PSG11: variants seen among roughly 807,000 people sequenced by gnomAD.
The protein encoded by PSG11 is pregnancy-specific beta-1-glycoprotein 11.
A neutral mutation model predicts 36.0 loss-of-function variants in PSG11; 42 were observed. The ratio of observed to expected loss-of-function variants is 1.17; its 90% CI spans 0.91 to 1.51. The LOEUF is 1.51. Among genes scored for constraint, PSG11 ranks in the 40% most tolerant of loss-of-function variants. The pLI is 0.00. For synonymous variants in PSG11, 206 were observed against 153.5 expected (o/e 1.34, Z -2.53); for missense variants, 558 against 403.5 (o/e 1.38, Z -3.28).
At position 43,015,373 on chromosome 19, in the gene PSG11, G is replaced by A; in HGVS notation, c.710-3C>T. ...AATTCTGGGGAGGTCTGGACCATCT[G>A]GAGGAAAGAGAATAAAGCCACAGTT... On this transcript the variant is annotated splice_region_variant and splice_polypyrimidine_tract_variant and intron_variant, in intron 3 of 5. Coordinates refer to ENST00000320078, the MANE Select transcript of PSG11 (RefSeq NM_002785.3). The A allele has an allele frequency of 6.8e-6, 11 of 1,606,670 alleles. No individual in the cohort carries two copies. Among genetic ancestry groups the A allele is most frequent in the Non-Finnish European group, 9.4e-6 (11 of 1,176,116 alleles).
At position 43,026,189 on chromosome 19, in the gene PSG11, C is replaced by T. The variant is rs529547796; in HGVS notation, c.64+120G>A. ...AACTCCTGATCTCGTGATCCACCCACCTCAGCCTCCCTAAATGCTGGCTTT... is the reference window on the plus strand; with the variant it reads ...AACTCCTGATCTCGTGATCCACCCATCTCAGCCTCCCTAAATGCTGGCTTT... On this transcript the variant is annotated intron_variant, in intron 1 of 5. Transcript: ENST00000320078. 59 of 1,462,898 alleles carry T rather than the reference C, an allele frequency of 4.0e-5. 4 individuals are homozygous for T. The South Asian group carries it at 6.0e-4, about 15-fold the overall frequency. The allele number at this position is 1,462,898 out of a possible 1,614,324, so 90.6% of individuals were successfully genotyped here. A position where few individuals can be genotyped will look rare whatever the true frequency, so the allele number is the denominator to read the frequency against.
In PSG11 at chr19:43,018,953, C is replaced by G. The variant is rs1058085; in HGVS notation, c.526G>C (p.Ala176Pro). The change falls in exon 3 of 6, where the codon GCA becomes CCA. Residue 176 changes from alanine to proline, a missense_variant. Coordinates refer to ENST00000320078, the MANE Select transcript of PSG11 (RefSeq NM_002785.3). Reference sequence around the variant, plus strand: ...CCATTCATCCACCACAGGTAGCTTGCGTCCGGAGTCTCAGGATTACAGGTT... The same window carrying G: ...CCATTCATCCACCACAGGTAGCTTGGGTCCGGAGTCTCAGGATTACAGGTT... Reference protein sequence around the residue: ...ILTCNPETPDASYLWWMNGQS... With the variant: ...ILTCNPETPDPSYLWWMNGQS... 1.9e-6 allele frequency: 3 copies of G among 1,612,088 alleles called. No homozygotes were observed. Among genetic ancestry groups the G allele is most frequent in the Admixed American group, 1.7e-5 (1 of 59,874 alleles).
intron 2 of PSG11, among the ~76,000 whole-genome samples, chr19:43,023,108 C>T (rs1967142970): frequency 6.6e-6 from 1 of 150,676 alleles, no homozygotes; most frequent in Non-Finnish European, 1.5e-5. Context: ...GACCAAGGAG[C>T]CCCGAGAACC....
chr19:43,024,564 C>G lies in PSG11; in HGVS notation c.430+127G>C. On this transcript the variant is annotated intron_variant, in intron 2 of 5. Transcript: ENST00000320078. Reference sequence around the variant, plus strand: ...TCTGTGTGTGTCCTGCACTAAATGCCCAAACCCCAGCATGGGACATAATGC... The same window carrying G: ...TCTGTGTGTGTCCTGCACTAAATGCGCAAACCCCAGCATGGGACATAATGC... 4 of 1,548,170 alleles carry G rather than the reference C, an allele frequency of 2.6e-6. No homozygotes were observed. The Admixed American group carries it at 6.9e-5, about 27-fold the overall frequency.
At chr19:43,014,556 C>T (rs1599671077) in intron 4 of PSG11, 3 of 991,650 alleles carry the variant, frequency 3.0e-6, no homozygotes, top group Non-Finnish European at 3.6e-6. Context: ...CAGGACAGGC[C>T]ACCAGGACTC....
In PSG11 at chr19:43,008,586, ATAT is replaced by A. The variant is rs1264904801; in HGVS notation, c.*41-547_*41-545del. ...CCATCGCACCCAGCCTAGAATACTC[ATAT>A]TATTAACATTCCCATAAATATTATT... On this transcript the variant is annotated intron_variant, in intron 5 of 5. Coordinates refer to ENST00000320078, the MANE Select transcript of PSG11 (RefSeq NM_002785.3). 9.9e-5 allele frequency among the ~76,000 whole-genome samples: 15 copies of A among 151,210 alleles called. 1 individual carries two copies.
At chr19:43,017,621 A>T (rs1966998700) in intron 3 of PSG11, 2 of 151,444 alleles carry the variant, frequency 1.3e-5, no homozygotes, top group East Asian at 3.9e-4. Flanking sequence ...CAGATTTAGG[A>T]CAGAGTTTTC....
rs3950835 is a variant in PSG11, at chr19:43,023,044, A to C, written c.430+1647T>G. Among the ~76,000 whole-genome samples, 24 of 150,816 alleles carry C rather than the reference A, an allele frequency of 1.6e-4. 1 individual carries two copies. The highest frequency in any genetic ancestry group is 6.0e-4 in the Admixed American group (9 of 15,104). The stretch of plus-strand genomic sequence containing the variant: ...ACACCATGGCAGTGAGCAGTGAGGG[A>C]GACACTGACTTCAGAGCCCCCAGGA... On this transcript the variant is annotated intron_variant, in intron 2 of 5. Transcript: ENST00000320078.
At chr19:43,015,468 C>T (rs538955696) in intron 3 of PSG11, 98 bp from the exon 4 acceptor site, 2 of 1,446,216 alleles carry the variant, frequency 1.4e-6, no homozygotes, top group East Asian at 2.3e-5. Context: ...AGCCAAGACA[C>T]ACCCTCAAGT....
At chr19:43,014,264 G>A (rs1966900123) in intron 4 of PSG11, 2 of 787,290 alleles carry the variant, frequency 2.5e-6, no homozygotes, top group African/African-American at 1.9e-5. Context: ...TATATATAGT[G>A]TCTGGTAGTC....
intron 2 of PSG11, among the ~76,000 whole-genome samples, chr19:43,022,657 G>T (rs2122826889): frequency 6.6e-6 from 1 of 151,458 alleles, no homozygotes; most frequent in East Asian, 1.9e-4. Flanking sequence ...ACAATGATAA[G>T]AGTGGTTGGA....
intron 4 of PSG11, among the ~76,000 whole-genome samples, chr19:43,011,671 G>C (rs1974078882): frequency 6.6e-6 from 1 of 151,158 alleles, no homozygotes; most frequent in Non-Finnish European, 1.5e-5. Context: ...AGGATTTCTT[G>C]AGACCAGGTG....
chr19:43,024,335 G>A (rs1251513281), intron 2 of PSG11: 1 of 348,734 alleles, frequency 2.9e-6, no homozygotes, highest in East Asian at 6.5e-5. Context: ...TTCTCTGAGA[G>A]TATCTCAGGG....
At chr19:43,023,063 C>G (rs369830325) in intron 2 of PSG11, among the ~76,000 whole-genome samples, 4 of 150,804 alleles carry the variant, frequency 2.7e-5, no homozygotes, top group South Asian at 4.2e-4. Flanking sequence ...CTTCAGAGCC[C>G]CCAGGAACCA....
In PSG11 at chr19:43,024,739, C is replaced by T. The variant is rs370594587; in HGVS notation, c.382G>A (p.Gly128Ser). The change falls in exon 2 of 6, where the codon GGT becomes AGT. Residue 128 changes from glycine (G) to serine (S), a missense_variant. Coordinates refer to ENST00000320078, the MANE Select transcript of PSG11 (RefSeq NM_002785.3). ...CCAGTTACTCCTCTAGTCCCATCAC[C>T]TCGCTTTATGATGTGTAAGGTGTAG... ...GSYTLHIIKRGDGTRGVTGYF... is the reference protein window; with the variant it reads ...GSYTLHIIKRSDGTRGVTGYF... 4.3e-6 allele frequency: 7 copies of T among 1,611,664 alleles called. 1 individual carries two copies. Among genetic ancestry groups the T allele is most frequent in the Non-Finnish European group, 5.9e-6 (7 of 1,178,926 alleles).
intron 4 of PSG11, 77 bp from the exon 5 acceptor site, chr19:43,010,118 A>T: frequency 6.5e-7 from 1 of 1,545,958 alleles, no homozygotes; most frequent in South Asian, 1.2e-5. Flanking sequence ...ACAAGCATGT[A>T]ACATGAGATA....
At position 43,018,862 on chromosome 19, in the gene PSG11, C is replaced by A. The variant is rs774584323; in HGVS notation, c.617G>T (p.Gly206Val). The A allele has an allele frequency of 1.9e-6, 3 of 1,612,030 alleles. No individual in the cohort carries two copies. The highest frequency in any genetic ancestry group is 1.7e-4 in the Middle Eastern group (1 of 6,054). ...SETNRTLFLF[G>V]VTKYTAGPYE... is the part of the protein sequence containing the mutation. ...GGGTCCTGCAGTATACTTTGTGACACCAAATAGAAAGAGGGTCCTGTTGGT... is the reference window on the plus strand; with the variant it reads ...GGGTCCTGCAGTATACTTTGTGACAACAAATAGAAAGAGGGTCCTGTTGGT... The change falls in exon 3 of 6, where the codon GGT becomes GTT. Residue 206 changes from glycine to valine, a missense_variant. By Grantham distance (109) the Gly-to-Val change is moderately radical. Transcript: ENST00000320078.
intron 4 of PSG11, among the ~76,000 whole-genome samples, chr19:43,013,657 C>G (rs1966886778): frequency 6.6e-6 from 1 of 151,362 alleles, no homozygotes; most frequent in Admixed American, 6.6e-5. Flanking sequence ...AATTGGAGCT[C>G]TAGTGCATTG....
chr19:43,014,894 C>A, intron 4 of PSG11: 1 of 1,406,328 alleles, frequency 7.1e-7, no homozygotes, highest in African/African-American at 1.5e-5. Context: ...AGCCCCCTCC[C>A]TACCTTTCTC....
Sources: gnomAD v4.1 joint callset for allele counts (sites outside exome capture counted in the v4.1 genomes callset) on GRCh38, gnomAD v4.1.1 for gene constraint, MANE v1.5 for transcripts, NCBI Gene and HGNC (gene_info 2026-07-23, HGNC 2026-07-21) for gene names.